The following DAB1 variants were observed in gnomAD, a reference collection of about 807,000 sequenced individuals.
DAB1 encodes the protein DAB adaptor protein 1.
In DAB1, 15 loss-of-function variants were observed where a neutral mutation model predicts 64.6. That is an observed-to-expected ratio of 0.23 (90% CI 0.16 to 0.36). The LOEUF (loss-of-function observed/expected upper bound fraction) is 0.36. Ranked by LOEUF, DAB1 falls within the 10% of genes least tolerant of loss-of-function variation. DAB1 has a pLI of 1.00. For missense variants in DAB1, 596 were observed against 706.7 expected (o/e 0.84, Z 1.78); for synonymous variants, 235 against 251.9 (o/e 0.93, Z 0.64).
At chr1:57,656,435 T>C (rs1646319711) in intron 6 of DAB1, among the ~76,000 whole-genome samples, 1 of 152,248 alleles carries the variant, frequency 6.6e-6, no homozygotes, top group South Asian at 2.1e-4. Flanking sequence ...TTATGTTTCA[T>C]GGCAATAACT....
intron 1 of DAB1, among the ~76,000 whole-genome samples, chr1:57,872,694 G>T (rs986945953): frequency 6.6e-6 from 1 of 152,078 alleles, no homozygotes; most frequent in Non-Finnish European, 1.5e-5. Context: ...TACCAGAGGG[G>T]TATGGTCAGT....
At chr1:58,300,628 G>GAGAC (rs1557726140) in intron 4 of DAB1, among the ~76,000 whole-genome samples, 111 of 54,292 alleles carry the variant, frequency 2.0e-3, no homozygotes, top group South Asian at 5.8e-3. Context: ...GAGAGAGAGA[G>GAGAC]AGAGAGAGAG....
chr1:57,667,989 C>A (rs913197877), intron 6 of DAB1, among the ~76,000 whole-genome samples: 1 of 151,730 alleles, frequency 6.6e-6, no homozygotes, highest in South Asian at 2.1e-4. Flanking sequence ...CACATGTATA[C>A]CTACACGTTC....
At chr1:58,128,026 T>C (rs1009482496) in intron 5 of DAB1, among the ~76,000 whole-genome samples, 8 of 151,714 alleles carry the variant, frequency 5.3e-5, no homozygotes, top group Admixed American at 4.6e-4. Context: ...GGGGATGGCA[T>C]TGAATCTGTA....
At chr1:57,629,789 C>A (rs1035032223) in intron 7 of DAB1, among the ~76,000 whole-genome samples, 2 of 149,662 alleles carry the variant, frequency 1.3e-5, no homozygotes, top group African/African-American at 2.5e-5. Context: ...CAGAAGGAGG[C>A]CTTCTAGACC....
chr1:58,208,359 A>T (rs1304028248), intron 4 of DAB1, among the ~76,000 whole-genome samples: 1 of 152,128 alleles, frequency 6.6e-6, no homozygotes, highest in Admixed American at 6.6e-5. Flanking sequence ...CAAGTTCTTT[A>T]GCGGAGATTT....
chr1:57,955,096 C>G (rs1479209653), intron 5 of DAB1, among the ~76,000 whole-genome samples: 4 of 152,202 alleles, frequency 2.6e-5, no homozygotes, highest in Non-Finnish European at 5.9e-5. Context: ...ACTGTCTTCT[C>G]TGTGTCTGAA....
intron 3 of DAB1, among the ~76,000 whole-genome samples, chr1:58,498,259 T>C (rs919163832): frequency 9.9e-5 from 15 of 152,054 alleles, no homozygotes; most frequent in Admixed American, 8.5e-4. Context: ...AAAAACAACT[T>C]TTTCCATTGT....
intron 4 of DAB1, among the ~76,000 whole-genome samples, chr1:58,169,249 G>T (rs900295610): frequency 2.6e-5 from 4 of 152,176 alleles, no homozygotes; most frequent in Non-Finnish European, 5.9e-5. Flanking sequence ...TGATCAGCAG[G>T]GTCCAGGGAC....
At chr1:58,055,701 G>A (rs1457151134) in intron 5 of DAB1, among the ~76,000 whole-genome samples, 7 of 152,148 alleles carry the variant, frequency 4.6e-5, no homozygotes, top group African/African-American at 1.7e-4. Flanking sequence ...TAGGGAATGA[G>A]GGTGAGCAGT....
intron 1 of DAB1, among the ~76,000 whole-genome samples, chr1:57,296,531 A>G (rs754701415): frequency 5.3e-5 from 8 of 152,154 alleles, no homozygotes; most frequent in Non-Finnish European, 7.4e-5. Context: ...TTGTTATTCC[A>G]GAAATTAAGT....
chr1:57,274,461 G>A (rs1445442375), intron 2 of DAB1, among the ~76,000 whole-genome samples: 1 of 152,188 alleles, frequency 6.6e-6, no homozygotes, highest in African/African-American at 2.4e-5. Flanking sequence ...ACATAGAAGA[G>A]TGTCTGATGC....
chr1:57,062,777 G>C (rs1650529671), intron 9 of DAB1, 107 bp downstream of exon 9: 1 of 897,936 alleles, frequency 1.1e-6, no homozygotes, highest in Non-Finnish European at 1.8e-6. Context: ...AAACATGTGG[G>C]GCCATGACAC....
chr1:58,538,058 G>C (rs1406464691), intron 1 of DAB1, among the ~76,000 whole-genome samples: 2 of 152,194 alleles, frequency 1.3e-5, no homozygotes, highest in Non-Finnish European at 2.9e-5. Context: ...GTTACAAATA[G>C]AAGTTCTTGG....
At chr1:58,021,255 G>A (rs1312977265) in intron 5 of DAB1, among the ~76,000 whole-genome samples, 1 of 152,154 alleles carries the variant, frequency 6.6e-6, no homozygotes, top group Non-Finnish European at 1.5e-5. Flanking sequence ...CATGCACTGG[G>A]CATAAAAGCT....
At chr1:57,394,841 C>A (rs1682674156) in intron 1 of DAB1, among the ~76,000 whole-genome samples, 1 of 152,224 alleles carries the variant, frequency 6.6e-6, no homozygotes, top group Admixed American at 6.5e-5. Context: ...CAAAGGAAAC[C>A]TTTATGGGTC....
Position 58,494,143 on chromosome 1 carries a change from A to C in DAB1, n.257+11917T>G, listed in dbSNP as rs141345839. ...TCTACAACTATCTGATCTTTGACAA[A>C]CCTGACAAAAATAAGAAATGGGGAA... On this transcript the variant is annotated intron_variant and non_coding_transcript_variant, in intron 3 of 20. Transcript: ENST00000485760. Among the ~76,000 whole-genome samples the C allele has an allele frequency of 7.6e-3, 1,164 of 152,330 alleles. 13 individuals are homozygous for C. The highest frequency in any genetic ancestry group is 0.026 in the African/African-American group (1,086 of 41,564).
At chr1:58,513,255 T>G (rs927175254) in intron 2 of DAB1, among the ~76,000 whole-genome samples, 2 of 152,200 alleles carry the variant, frequency 1.3e-5, no homozygotes, top group Non-Finnish European at 2.9e-5. Context: ...TTCTGCTATG[T>G]AAGACATACC....
chr1:57,000,333 C>T lies in DAB1; in HGVS notation c.*16-2205G>A, dbSNP rs115645563. ...TGCTGAGATTACAGGTGTGAGCCACCGCGCCAGGCCTCCTTCTGCCATTTT... is the reference window on the plus strand; with the variant it reads ...TGCTGAGATTACAGGTGTGAGCCACTGCGCCAGGCCTCCTTCTGCCATTTT... On this transcript the variant is annotated intron_variant, in intron 14 of 14. Transcript: ENST00000371236. 4.3e-3 allele frequency among the ~76,000 whole-genome samples: 652 copies of T among 152,178 alleles called. 6 individuals carry two copies. Among genetic ancestry groups the T allele is most frequent in the African/African-American group, 0.015 (602 of 41,516 alleles).
Sources: gnomAD v4.1 joint callset for allele counts (sites outside exome capture counted in the v4.1 genomes callset) on GRCh38, gnomAD v4.1.1 for gene constraint, MANE v1.5 for transcripts, NCBI Gene and HGNC (gene_info 2026-07-23, HGNC 2026-07-21) for gene names.